KDM6A: variants seen among roughly 807,000 people sequenced by gnomAD.
The protein encoded by KDM6A is lysine-specific demethylase 6A.
A neutral mutation model predicts 117.6 loss-of-function variants in KDM6A; 11 were observed. The ratio of observed to expected loss-of-function variants is 0.09; its 90% CI spans 0.06 to 0.15. KDM6A has a LOEUF of 0.15. Ranked by LOEUF, KDM6A falls within the 10% of genes least tolerant of loss-of-function variation. KDM6A has a pLI of 1.00. For missense variants in KDM6A, 799 were observed against 1,077.3 expected, an observed-to-expected ratio of 0.74 and a Z score of 3.62; for synonymous variants, 384 against 396.1, an observed-to-expected ratio of 0.97 and a Z score of 0.36.
chrX:45,108,034 T>C (rs2046594167), intron 28 of KDM6A, among the ~76,000 whole-genome samples: 1 of 111,906 alleles, frequency 8.9e-6, no homozygotes, highest in African/African-American at 3.2e-5. Flanking sequence ...CTAATTGTAA[T>C]GTACATGAGA....
chrX:44,968,118 A>G lies in KDM6A; in HGVS notation c.335-6548A>G, dbSNP rs144194327. Among the ~76,000 whole-genome samples, 1,122 of 112,360 alleles carry G rather than the reference A, an allele frequency of 1.0e-2. 14 individuals are homozygous for G. Among genetic ancestry groups the G allele is most frequent in the African/African-American group, 0.035 (1,082 of 30,924 alleles). On this transcript the variant is annotated intron_variant, in intron 3 of 29. Transcript: ENST00000611820. Reference sequence around the variant, plus strand: ...AAGTTAAGCTGTGACAGCCTTTACTAACTTCATGGGATGCTCTGGAGCCAG... The same window carrying G: ...AAGTTAAGCTGTGACAGCCTTTACTGACTTCATGGGATGCTCTGGAGCCAG...
At chrX:45,014,776 G>A (rs992951291) in intron 5 of KDM6A, among the ~76,000 whole-genome samples, 2 of 112,034 alleles carry the variant, frequency 1.8e-5, no homozygotes, top group Non-Finnish European at 3.8e-5. Flanking sequence ...ATAGCTTATA[G>A]CCATCTCTCT....
At chrX:45,043,817 T>C (rs1270546018) in intron 8 of KDM6A, among the ~76,000 whole-genome samples, 2 of 111,863 alleles carry the variant, frequency 1.8e-5, no homozygotes, top group African/African-American at 6.5e-5. Flanking sequence ...ATGTATATTG[T>C]CATACCATCT....
chrX:45,004,785 G>A lies in KDM6A; in HGVS notation c.385-6176G>A, dbSNP rs776403938. Among the ~76,000 whole-genome samples the A allele has an allele frequency of 2.7e-4, 30 of 111,336 alleles. No homozygotes were observed. The South Asian group carries it at 7.3e-3, about 27-fold the overall frequency. ...GGAATTTCTGGTCCGCGGTAGGAACGTTTTCACCAGGAGGATGCTCACATT... is the reference window on the plus strand; with the variant it reads ...GGAATTTCTGGTCCGCGGTAGGAACATTTTCACCAGGAGGATGCTCACATT... On this transcript the variant is annotated intron_variant, in intron 4 of 29. Coordinates refer to ENST00000611820, the MANE Select transcript of KDM6A (RefSeq NM_001291415.2).
chrX:44,886,937 CT>C (rs757868291), intron 2 of KDM6A, among the ~76,000 whole-genome samples: 3,390 of 96,860 alleles, frequency 0.035, 127 homozygotes, highest in African/African-American at 0.11. Flanking sequence ...AGATGAATAT[CT>C]TTTTTTTTTT....
chrX:45,091,883 G>T (rs1442643801), intron 27 of KDM6A, among the ~76,000 whole-genome samples: 1 of 111,655 alleles, frequency 9.0e-6, no homozygotes, highest in African/African-American at 3.3e-5. Context: ...TTGTTAAAAT[G>T]ATTTCAAATC....
chrX:44,966,870 T>TC (rs199576196), intron 3 of KDM6A, among the ~76,000 whole-genome samples: 3,216 of 70,252 alleles, frequency 0.046, 161 homozygotes, highest in African/African-American at 0.27. Flanking sequence ...TCTCTCTCTC[T>TC]TTTTTTTTTT....
chrX:45,082,349 G>A (rs966499074), intron 21 of KDM6A: 15 of 391,825 alleles, frequency 3.8e-5, no homozygotes, highest in Non-Finnish European at 6.2e-5. Context: ...CAGGAGAATC[G>A]TTTGAGCCCA....
chrX:44,908,803 C>T (rs2034893375), intron 2 of KDM6A, among the ~76,000 whole-genome samples: 1 of 111,999 alleles, frequency 8.9e-6, no homozygotes, highest in Middle Eastern at 4.6e-3. Context: ...GAAGTATTGG[C>T]TGTACTTCTA....
intron 21 of KDM6A, among the ~76,000 whole-genome samples, chrX:45,079,926 T>C (rs987625311): frequency 2.7e-5 from 3 of 112,343 alleles, no homozygotes; most frequent in African/African-American, 9.7e-5. Flanking sequence ...AATTACTGTC[T>C]AGTGAAATGT....
intron 21 of KDM6A, among the ~76,000 whole-genome samples, chrX:45,082,177 G>T (rs185846502): frequency 9.0e-6 from 1 of 110,556 alleles, no homozygotes; most frequent in Admixed American, 9.6e-5. Flanking sequence ...GGTGATTCAC[G>T]CCTGTAATCC....
In KDM6A at chrX:45,083,568, A is replaced by G. The variant is rs1262164078; in HGVS notation, c.3549A>G (p.Thr1183=). ...GTCATACCATATTGGGCATGAACAC[A>G]GTTCAACTATACATGAAAGTTCCAG... The part of the protein sequence containing the change: ...HVGHTILGMN[T]VQLYMKVPGS... The change falls in exon 24 of 30, where the codon ACA becomes ACG. Residue 1183 remains threonine (T), a synonymous_variant. Coordinates refer to ENST00000611820, the MANE Select transcript of KDM6A (RefSeq NM_001291415.2). 1 of 1,209,106 alleles carries G rather than the reference A, an allele frequency of 8.3e-7. No individual in the cohort carries two copies. Among genetic ancestry groups the G allele is most frequent in the Non-Finnish European group, 1.1e-6 (1 of 892,857 alleles).
At chrX:45,103,852 C>T (rs1455352840) in intron 27 of KDM6A, among the ~76,000 whole-genome samples, 7 of 111,607 alleles carry the variant, frequency 6.3e-5, no homozygotes, top group African/African-American at 2.3e-4. Context: ...GGGATTGGGT[C>T]CTGAAACCAA....
chrX:44,880,342 CAG>C (rs755683303), intron 2 of KDM6A, among the ~76,000 whole-genome samples: 7 of 109,416 alleles, frequency 6.4e-5, no homozygotes, highest in Admixed American at 3.9e-4. Flanking sequence ...AATTCTCTGA[CAG>C]AGTTTGGAAG....
Position 44,873,469 on chromosome X carries a change from C to T in KDM6A, c.-83C>T. 6.0e-6 allele frequency: 7 copies of T among 1,171,666 alleles called. No homozygotes were observed. In the South Asian group the frequency reaches 1.1e-4, roughly 18 times the overall value. ...CGGCGATAAAGTTGGTGTGCTGGTC[C>T]CGCGCGCAGATTGGGGGCGTCACTG... On this transcript the variant is annotated 5_prime_UTR_variant, in exon 1 of 30. Coordinates refer to ENST00000611820, the MANE Select transcript of KDM6A (RefSeq NM_001291415.2).
At chrX:44,884,557 G>GA (rs1244311504) in intron 2 of KDM6A, among the ~76,000 whole-genome samples, 1 of 111,716 alleles carries the variant, frequency 9.0e-6, no homozygotes, top group Non-Finnish European at 1.9e-5. Flanking sequence ...TGTGTTAGGG[G>GA]AAAAAATGTA....
intron 2 of KDM6A, 44 bp downstream of exon 2, chrX:44,874,031 C>CGGCGCCGCGCTCGCCCCG (rs1569315533): frequency 2.6e-6 from 3 of 1,137,225 alleles, no homozygotes; most frequent in South Asian, 1.8e-5. Flanking sequence ...TCTCCCTGGC[C>CGGCGCCGCGCTCGCCCCG]GGCGCCGCGC....
intron 2 of KDM6A, among the ~76,000 whole-genome samples, chrX:44,911,798 G>A (rs2035196754): frequency 2.7e-5 from 3 of 112,146 alleles, no homozygotes; most frequent in Non-Finnish European, 5.6e-5. Flanking sequence ...GCCGAGGCTG[G>A]CAGGTCACTC....
chrX:44,953,596 A>G (rs1037483654), intron 2 of KDM6A, among the ~76,000 whole-genome samples: 2 of 111,764 alleles, frequency 1.8e-5, no homozygotes, highest in African/African-American at 6.5e-5. Context: ...AATCTTGAAT[A>G]TGTTAGAAAT....
Sources: gnomAD v4.1 joint callset for allele counts (sites outside exome capture counted in the v4.1 genomes callset) on GRCh38, gnomAD v4.1.1 for gene constraint, MANE v1.5 for transcripts, NCBI Gene and HGNC (gene_info 2026-07-23, HGNC 2026-07-21) for gene names.